The following SUV39H2 variants were observed in gnomAD, a reference collection of about 807,000 sequenced individuals.
SUV39H2 encodes the protein SUV39H2 histone lysine methyltransferase, also known as histone-lysine N-methyltransferase SUV39H2.
A neutral mutation model predicts 47.5 loss-of-function variants in SUV39H2; 10 were observed. That is an observed-to-expected ratio of 0.21 (90% CI 0.13 to 0.36). The LOEUF is 0.36. SUV39H2 is among the 10% of genes least tolerant of loss of function. The pLI, the probability that SUV39H2 is intolerant of heterozygous loss-of-function variation, is 1.00. For missense variants in SUV39H2, 266 were observed against 487.4 expected (o/e 0.55, Z 4.28); for synonymous variants, 159 against 166.8 (o/e 0.95, Z 0.36).
intron 2 of SUV39H2, among the ~76,000 whole-genome samples, chr10:14,882,041 T>G (rs1833053795): frequency 6.6e-6 from 1 of 152,238 alleles, no homozygotes; most frequent in Non-Finnish European, 1.5e-5. Flanking sequence ...CATTTGCATT[T>G]CCTGCCATCT....
intron 2 of SUV39H2, among the ~76,000 whole-genome samples, chr10:14,896,341 TC>T (rs1179560595): frequency 2.4e-4 from 37 of 152,338 alleles, no homozygotes; most frequent in Admixed American, 2.1e-3. Context: ...ATTGGATAGT[TC>T]ATCTCTAGAA....
intron 1 of SUV39H2, 65 bp downstream of exon 1, chr10:14,878,984 C>A: frequency 7.4e-7 from 1 of 1,343,088 alleles, no homozygotes; most frequent in Admixed American, 4.0e-5. Context: ...GCCCGGGCGG[C>A]GGGGCCGTCC....
At chr10:14,883,704 CAAAAAAAAAAAA>C (rs58522342) in intron 2 of SUV39H2, among the ~76,000 whole-genome samples, 50 of 50,060 alleles carry the variant, frequency 1.0e-3, no homozygotes, top group Middle Eastern at 0.014. Flanking sequence ...GACTCAGTCT[CAAAAAAAAAAAA>C]AAAAAAAAAA....
At chr10:14,894,163 G>A (rs1833483536) in intron 2 of SUV39H2, among the ~76,000 whole-genome samples, 1 of 151,642 alleles carries the variant, frequency 6.6e-6, no homozygotes, top group Non-Finnish European at 1.5e-5. Context: ...CTGAAAGGAG[G>A]AAGAAATCCT....
intron 2 of SUV39H2, among the ~76,000 whole-genome samples, chr10:14,891,866 T>C (rs1833400215): frequency 6.6e-6 from 1 of 152,242 alleles, no homozygotes; most frequent in African/African-American, 2.4e-5. Context: ...CATATAATTA[T>C]TAGTTAAAAC....
intron 3 of SUV39H2, 33 bp downstream of exon 3, chr10:14,897,550 A>G: frequency 6.8e-7 from 1 of 1,474,994 alleles, no homozygotes; most frequent in Non-Finnish European, 9.0e-7. Flanking sequence ...TAAATGATGG[A>G]CATGCAAGGT....
In SUV39H2 at chr10:14,903,728, C is replaced by G. The variant is rs1167162086; in HGVS notation, c.*1216C>G. On this transcript the variant is annotated 3_prime_UTR_variant, in exon 6 of 6. Coordinates refer to ENST00000354919, the MANE Select transcript of SUV39H2 (RefSeq NM_001193424.2). The stretch of plus-strand genomic sequence containing the variant: ...AAAAACTATTCTTTCATGTCTGATT[C>G]TGAGATTTCTAATTGTGTTGTGAAA... The G allele has an allele frequency of 6.6e-6, 1 of 152,132 alleles. No individual in the cohort carries two copies. The highest frequency in any genetic ancestry group is 2.4e-5 in the African/African-American group (1 of 41,426). The allele number at this position is 152,132 out of a possible 1,614,324, so 9.4% of individuals were successfully genotyped here.
chr10:14,879,864 C>G (rs1022940457), intron 1 of SUV39H2: 11 of 150,878 alleles, frequency 7.3e-5, no homozygotes, highest in Non-Finnish European at 1.5e-4. Flanking sequence ...TTACTGGAGA[C>G]TGTCGAGAGA....
intron 1 of SUV39H2, 183 bp downstream of exon 1, chr10:14,879,102 C>T (rs1832960064): frequency 5.5e-6 from 7 of 1,270,342 alleles, no homozygotes; most frequent in African/African-American, 1.6e-5. Context: ...ACCCGCCTCC[C>T]TGCCCGGCCG....
chr10:14,879,066 G>A (rs1208952567), intron 1 of SUV39H2, 147 bp downstream of exon 1: 3 of 1,309,380 alleles, frequency 2.3e-6, no homozygotes, highest in Non-Finnish European at 2.9e-6. Flanking sequence ...GCACGCTGCG[G>A]ACGCCTATCC....
intron 5 of SUV39H2, 125 bp from the exon 6 acceptor site, chr10:14,902,281 T>C: frequency 5.9e-6 from 3 of 507,214 alleles, no homozygotes; most frequent in Non-Finnish European, 1.0e-5. Context: ...TAACTTACTC[T>C]AAGGGTCTTG....
intron 2 of SUV39H2, among the ~76,000 whole-genome samples, chr10:14,887,394 A>G (rs1345999920): frequency 6.6e-6 from 1 of 152,218 alleles, no homozygotes; most frequent in Non-Finnish European, 1.5e-5. Context: ...CCAGGAATAC[A>G]GGAGTAGGAA....
intron 3 of SUV39H2, chr10:14,899,326 A>G (rs1833829862): frequency 1.4e-6 from 1 of 692,016 alleles, no homozygotes; most frequent in Non-Finnish European, 2.6e-6. Flanking sequence ...TTTAAAAAAA[A>G]AAGGTCATCA....
chr10:14,894,374 T>G (rs1270707777), intron 2 of SUV39H2, among the ~76,000 whole-genome samples: 1 of 86,680 alleles, frequency 1.2e-5, no homozygotes, highest in African/African-American at 7.4e-5. Flanking sequence ...TTTTTTTTTT[T>G]TTTTTTTTTT....
At chr10:14,901,543 G>GTTTTTT (rs746052665) in intron 5 of SUV39H2, among the ~76,000 whole-genome samples, 1 of 146,390 alleles carries the variant, frequency 6.8e-6, no homozygotes. Context: ...TGTACTACTT[G>GTTTTTT]TCTTTTTTTT....
chr10:14,899,780 C>T, intron 4 of SUV39H2, 95 bp downstream of exon 4: 1 of 1,391,888 alleles, frequency 7.2e-7, no homozygotes, highest in Non-Finnish European at 9.7e-7. Context: ...ACTACATATC[C>T]TTTTAACATT....
Position 14,903,186 on chromosome 10 carries a change from G to A in SUV39H2, c.*674G>A, listed in dbSNP as rs1834136353. ...TAAAAGACTTCTTAATCTTCTAGAAGAAAAATCTCCGAAGAGCTCTCTCTA... is the reference window on the plus strand; with the variant it reads ...TAAAAGACTTCTTAATCTTCTAGAAAAAAAATCTCCGAAGAGCTCTCTCTA... On this transcript the variant is annotated 3_prime_UTR_variant, in exon 6 of 6. Transcript: ENST00000354919. 1 of 152,126 alleles carries A rather than the reference G, an allele frequency of 6.6e-6. No individual in the cohort carries two copies. The highest frequency in any genetic ancestry group is 2.4e-5 in the African/African-American group (1 of 41,430). The allele number at this position is 152,126 out of a possible 1,614,324, so 9.4% of individuals were successfully genotyped here. A position where few individuals can be genotyped will look rare whatever the true frequency, so the allele number is the denominator to read the frequency against.
chr10:14,900,423 TA>T (rs1392408299), intron 4 of SUV39H2, among the ~76,000 whole-genome samples: 1 of 152,218 alleles, frequency 6.6e-6, no homozygotes, highest in Non-Finnish European at 1.5e-5. Context: ...TAGACCATGT[TA>T]AACTTCTGAT....
At chr10:14,895,928 C>CT (rs531909837) in intron 2 of SUV39H2, among the ~76,000 whole-genome samples, 46 of 127,886 alleles carry the variant, frequency 3.6e-4, no homozygotes, top group South Asian at 2.3e-3. Flanking sequence ...TTTTTTTTTG[C>CT]TTTTTTTTTT....
Sources: allele counts gnomAD v4.1 joint callset (sites outside exome capture counted in the v4.1 genomes callset), GRCh38; gene constraint gnomAD v4.1.1; transcripts MANE v1.5; gene names NCBI Gene and HGNC (gene_info 2026-07-23, HGNC 2026-07-21).